Variants in ADGRL3 observed in about 807,000 individuals in gnomAD.
The protein encoded by ADGRL3 is adhesion G protein-coupled receptor L3, also known as calcium-independent alpha-latrotoxin receptor 3.
Under a neutral mutation model 153.5 loss-of-function variants are expected in ADGRL3, and 62 were observed. That is an observed-to-expected ratio of 0.40 (90% CI 0.33 to 0.50). The LOEUF (loss-of-function observed/expected upper bound fraction) is 0.50, where lower values mean the gene tolerates loss of function less well. Among genes scored for constraint, ADGRL3 ranks in the 20% least tolerant of loss-of-function variants. The probability of loss-of-function intolerance (pLI) is 0.47; values close to 1 mark genes in which losing one functional copy is unlikely to be tolerated. For missense variants in ADGRL3, 1,641 were observed against 1,859.4 expected (o/e 0.88, Z 2.16); for synonymous variants, 710 against 672.5 (o/e 1.06, Z -0.86).
chr4:61,447,918 CAAACAACAACAA>C (rs1248950890), intron 2 of ADGRL3, among the ~76,000 whole-genome samples: 2 of 151,574 alleles, frequency 1.3e-5, no homozygotes, highest in Admixed American at 1.3e-4. Context: ...ACTTGATTTC[CAAACAACAACAA>C]AAACAACAAC....
intron 1 of ADGRL3, among the ~76,000 whole-genome samples, chr4:61,357,512 A>G (rs560282913): frequency 3.3e-5 from 5 of 152,268 alleles, no homozygotes; most frequent in South Asian, 2.1e-4. Flanking sequence ...CTATTTTTAC[A>G]GGTATTTAAA....
chr4:61,504,628 A>G (rs2098415274), intron 3 of ADGRL3, among the ~76,000 whole-genome samples: 1 of 152,166 alleles, frequency 6.6e-6, no homozygotes, highest in Non-Finnish European at 1.5e-5. Context: ...TTTTGTACCA[A>G]CTAACCATCT....
intron 2 of ADGRL3, among the ~76,000 whole-genome samples, chr4:61,440,039 T>C (rs569633115): frequency 6.6e-6 from 1 of 152,238 alleles, no homozygotes. Flanking sequence ...TTTTTATTTT[T>C]ATTTTATTTC....
intron 15 of ADGRL3, among the ~76,000 whole-genome samples, chr4:61,937,164 G>A (rs1427231275): frequency 6.6e-6 from 1 of 152,078 alleles, no homozygotes. Context: ...CAACAGTATA[G>A]CCTGTTGACA....
intron 21 of ADGRL3, among the ~76,000 whole-genome samples, chr4:61,999,055 G>A (rs2099131551): frequency 6.6e-6 from 1 of 152,132 alleles, no homozygotes; most frequent in Non-Finnish European, 1.5e-5. Context: ...CTGTTAGATG[G>A]CTGCCATCCC....
intron 4 of ADGRL3, among the ~76,000 whole-genome samples, chr4:61,568,991 C>T (rs993147128): frequency 6.6e-6 from 1 of 151,920 alleles, no homozygotes; most frequent in African/African-American, 2.4e-5. Flanking sequence ...TTTTGATGAA[C>T]CAGAATAGAA....
chr4:61,739,406 T>A (rs765211463), intron 8 of ADGRL3, among the ~76,000 whole-genome samples: 2 of 152,086 alleles, frequency 1.3e-5, no homozygotes, highest in Admixed American at 6.6e-5. Context: ...TTTCCTGGGT[T>A]CAAACGATTC....
At chr4:61,514,500 ATAG>A (rs1261716452) in intron 3 of ADGRL3, among the ~76,000 whole-genome samples, 3 of 152,230 alleles carry the variant, frequency 2.0e-5, no homozygotes, top group Non-Finnish European at 4.4e-5. Flanking sequence ...TATCTTGAGT[ATAG>A]TACACACATA....
chr4:61,237,832 TG>T (rs2149280038), intron 1 of ADGRL3, among the ~76,000 whole-genome samples: 1 of 152,332 alleles, frequency 6.6e-6, no homozygotes, highest in Admixed American at 6.5e-5. Flanking sequence ...ATTGTCATTT[TG>T]CATATCAACA....
At chr4:61,456,658 G>A (rs946386030) in intron 2 of ADGRL3, among the ~76,000 whole-genome samples, 1 of 151,332 alleles carries the variant, frequency 6.6e-6, no homozygotes, top group Non-Finnish European at 1.5e-5. Flanking sequence ...ATGTGGCTCG[G>A]ATAAAACCAT....
chr4:61,429,957 T>G (rs1268736326), intron 2 of ADGRL3, among the ~76,000 whole-genome samples: 1 of 152,096 alleles, frequency 6.6e-6, no homozygotes, highest in African/African-American at 2.4e-5. Flanking sequence ...TGATGAATCA[T>G]TTTATCCATA....
intron 5 of ADGRL3, among the ~76,000 whole-genome samples, chr4:61,672,883 T>G (rs1208053935): frequency 6.6e-6 from 1 of 152,052 alleles, no homozygotes; most frequent in African/African-American, 2.4e-5. Flanking sequence ...CTCACGTTCC[T>G]TGCAGTACTG....
chr4:61,967,758 A>T (rs943504135), intron 17 of ADGRL3, among the ~76,000 whole-genome samples: 1 of 152,230 alleles, frequency 6.6e-6, no homozygotes, highest in African/African-American at 2.4e-5. Flanking sequence ...AAATTAAAAC[A>T]CTATCAGGAT....
intron 2 of ADGRL3, among the ~76,000 whole-genome samples, chr4:61,432,612 T>C (rs970550158): frequency 4.0e-5 from 3 of 74,654 alleles, no homozygotes; most frequent in Admixed American, 1.5e-4. Flanking sequence ...CTTTCTTTCT[T>C]TCTTTCTTTC....
chr4:61,404,823 A>C (rs1560581346), intron 2 of ADGRL3, among the ~76,000 whole-genome samples: 1 of 152,074 alleles, frequency 6.6e-6, no homozygotes, highest in Non-Finnish European at 1.5e-5. Context: ...TCGTGGTTAA[A>C]CAATGGCTTA....
At chr4:61,470,815 TG>T (rs1228119783) in intron 2 of ADGRL3, among the ~76,000 whole-genome samples, 1 of 151,740 alleles carries the variant, frequency 6.6e-6, no homozygotes, top group Non-Finnish European at 1.5e-5. Flanking sequence ...AATAAAACAG[TG>T]GTTTTGAAAG....
chr4:61,939,198 G>A (rs1483522024), intron 15 of ADGRL3, among the ~76,000 whole-genome samples: 1 of 152,106 alleles, frequency 6.6e-6, no homozygotes, highest in Non-Finnish European at 1.5e-5. Flanking sequence ...TTTAAGACAG[G>A]TAAAGATTGT....
intron 5 of ADGRL3, among the ~76,000 whole-genome samples, chr4:61,613,201 G>A (rs1185418067): frequency 6.6e-6 from 1 of 152,076 alleles, no homozygotes; most frequent in African/African-American, 2.4e-5. Flanking sequence ...CACATGATTT[G>A]TGGTGCTGGG....
At chr4:61,771,534 C>T (rs2097086365) in intron 8 of ADGRL3, among the ~76,000 whole-genome samples, 1 of 152,062 alleles carries the variant, frequency 6.6e-6, no homozygotes, top group East Asian at 1.9e-4. Context: ...CAATTGAATC[C>T]CCTTTTGTCC....
Sources: allele counts gnomAD v4.1 joint callset (sites outside exome capture counted in the v4.1 genomes callset), GRCh38; gene constraint gnomAD v4.1.1; transcripts MANE v1.5; gene names NCBI Gene and HGNC (gene_info 2026-07-23, HGNC 2026-07-21).